Variants in TMEM247 observed in about 807,000 individuals in gnomAD.
TMEM247 encodes transmembrane protein 247, also known as transmembrane protein ENSP00000343375.
TMEM247 carries 23 observed loss-of-function variants against 20.7 expected under a neutral mutation model. That is an observed-to-expected ratio of 1.11 (90% confidence interval 0.80 to 1.57). The LOEUF (loss-of-function observed/expected upper bound fraction) is 1.57, where lower values mean the gene tolerates loss of function less well. Among genes scored for constraint, TMEM247 ranks in the 40% most tolerant of loss-of-function variants. TMEM247 has a pLI of 0.00. For missense variants in TMEM247, 354 were observed against 283.8 expected (o/e 1.25, Z -1.78); for synonymous variants, 106 against 111.9 (o/e 0.95, Z 0.33).
At chr2:46,479,597 G>A (rs1489732577) in exon 1 of TMEM247, 1 of 1,551,738 alleles carries the variant, frequency 6.4e-7, no homozygotes, top group Non-Finnish European at 8.7e-7. Context: ...TGGCAGCAGA[G>A]GACAGGGAGA....
chr2:46,482,283 C>T (rs1686904001), intron 2 of TMEM247, among the ~76,000 whole-genome samples: 1 of 152,188 alleles, frequency 6.6e-6, no homozygotes, highest in Non-Finnish European at 1.5e-5. Flanking sequence ...AAACATTTGC[C>T]TATTGCTTAG....
intron 2 of TMEM247, 52 bp from the exon 3 acceptor site, chr2:46,484,192 G>C (rs1686943071): frequency 1.3e-6 from 2 of 1,492,278 alleles, no homozygotes; most frequent in Non-Finnish European, 1.8e-6. Context: ...ACCTAGATCT[G>C]CCTGGCGCCA....
intron 2 of TMEM247, among the ~76,000 whole-genome samples, chr2:46,483,604 A>G (rs1388307029): frequency 6.6e-6 from 1 of 152,216 alleles, no homozygotes; most frequent in Non-Finnish European, 1.5e-5. Flanking sequence ...CAGAGGGAGA[A>G]GACCCACGTG....
chr2:46,480,530 C>A, exon 2 of TMEM247: 1 of 1,551,744 alleles, frequency 6.4e-7, no homozygotes, highest in Non-Finnish European at 8.7e-7. Flanking sequence ...CTACCAAAGG[C>A]CAGGCTGGCG....
rs1422436274 is a variant in TMEM247, at chr2:46,480,633, ACG to A, written c.349_350del (p.Arg117AlafsTer6). 1.5e-6 allele frequency: 2 copies of A among 1,354,466 alleles called. No homozygotes were observed. The highest frequency in any genetic ancestry group is 5.2e-5 in the Admixed American group (2 of 38,328). The allele number at this position is 1,354,466 out of a possible 1,614,324, so 83.9% of individuals were successfully genotyped here. On this transcript the variant is annotated frameshift_variant, in exon 2 of 3. Transcript: ENST00000434431. LOFTEE classifies it high-confidence loss of function. ...GAAGGTGCGCATGGAGTTCGAGCTCACGCGGCTCAAGTACCTGCATGAGAAGA... is the reference window on the plus strand; with the variant it reads ...GAAGGTGCGCATGGAGTTCGAGCTCACGGCTCAAGTACCTGCATGAGAAGA...
chr2:46,484,179 T>G (rs1209653199), intron 2 of TMEM247, 65 bp from the exon 3 acceptor site: 2 of 1,430,900 alleles, frequency 1.4e-6, no homozygotes, highest in African/African-American at 2.8e-5. Flanking sequence ...AGAGCAGGAC[T>G]GAACCTAGAT....
At chr2:46,482,907 C>T (rs1013604239) in intron 2 of TMEM247, among the ~76,000 whole-genome samples, 1 of 152,208 alleles carries the variant, frequency 6.6e-6, no homozygotes, top group African/African-American at 2.4e-5. Context: ...TGTCCCCATC[C>T]TCCAGCCTTT....
rs113303664 is a variant in TMEM247, at chr2:46,481,765, A to G, written c.477+1001A>G. Among the ~76,000 whole-genome samples the G allele has an allele frequency of 6.3e-3, 962 of 152,334 alleles. 12 individuals are homozygous for G. The highest frequency in any genetic ancestry group is 0.022 in the African/African-American group (906 of 41,580). On this transcript the variant is annotated intron_variant, in intron 2 of 2. Transcript: ENST00000434431. Reference sequence around the variant, plus strand: ...TATCACTTTTCAGTTTTATTGGGATATGATGTATTAGCTGTGCTTCCCAGC... The same window carrying G: ...TATCACTTTTCAGTTTTATTGGGATGTGATGTATTAGCTGTGCTTCCCAGC...
rs192690066 is a variant in TMEM247, at chr2:46,479,626, C to T, written c.41C>T (p.Ala14Val). ...AGGGAGATGATGGAAGCCCGGGGTG[C>T]GGGAGAAAGTTGCCCGACCTTCCCC... Residue 14 changes from alanine to valine, a missense_variant, in exon 1 of 3, where the codon GCG (alanine) becomes GTG (valine). Transcript: ENST00000434431. The T allele has an allele frequency of 1.8e-4, 277 of 1,551,664 alleles. 1 individual carries two copies. The highest frequency in any genetic ancestry group is 1.4e-3 in the East Asian group (56 of 40,910).
intron 2 of TMEM247, among the ~76,000 whole-genome samples, chr2:46,482,242 C>T (rs74943674): frequency 1.7e-3 from 254 of 152,352 alleles, no homozygotes; most frequent in Non-Finnish European, 2.7e-3. Context: ...GAATCTTCCC[C>T]TGCCCCCACA....
At chr2:46,484,178 C>G in intron 2 of TMEM247, 66 bp from the exon 3 acceptor site, 8 of 1,428,658 alleles carry the variant, frequency 5.6e-6, no homozygotes, top group Non-Finnish European at 7.6e-6. Context: ...CAGAGCAGGA[C>G]TGAACCTAGA....
chr2:46,480,536 T>TACCAAA (rs1184048767), exon 2 of TMEM247: 17 of 1,551,606 alleles, frequency 1.1e-5, no homozygotes, highest in Non-Finnish European at 1.5e-5. Flanking sequence ...AAGGCCAGGC[T>TACCAAA]GGCGACGGAC....
At chr2:46,482,205 G>C (rs546733103) in intron 2 of TMEM247, among the ~76,000 whole-genome samples, 2 of 152,288 alleles carry the variant, frequency 1.3e-5, no homozygotes, top group Admixed American at 6.5e-5. Context: ...ACTGAACTCA[G>C]TCAAGCTTAC....
At chr2:46,480,442 A>G (rs1558643152) in exon 2 of TMEM247, 4 of 1,551,270 alleles carry the variant, frequency 2.6e-6, no homozygotes, top group South Asian at 1.2e-5. Flanking sequence ...TCCTATGACT[A>G]CTTGGAAGAG....
intron 2 of TMEM247, among the ~76,000 whole-genome samples, chr2:46,482,076 A>C (rs1686900394): frequency 6.6e-6 from 1 of 152,222 alleles, no homozygotes; most frequent in Non-Finnish European, 1.5e-5. Flanking sequence ...CTGTTTTTTT[A>C]AGAAAGTAAG....
At chr2:46,482,211 C>G (rs912233514) in intron 2 of TMEM247, among the ~76,000 whole-genome samples, 2 of 152,218 alleles carry the variant, frequency 1.3e-5, no homozygotes, top group Admixed American at 6.5e-5. Context: ...CTCAGTCAAG[C>G]TTACTGAACT....
chr2:46,484,378 C>A (rs201705850), exon 3 of TMEM247: 23 of 1,552,364 alleles, frequency 1.5e-5, no homozygotes, highest in Non-Finnish European at 2.0e-5. Context: ...ACTACCTATT[C>A]TGCATTGCAG....
intron 2 of TMEM247, among the ~76,000 whole-genome samples, chr2:46,482,106 T>C (rs1386687289): frequency 6.6e-6 from 1 of 152,216 alleles, no homozygotes; most frequent in East Asian, 1.9e-4. Flanking sequence ...GCATCATTTG[T>C]TCTCAATGAG....
chr2:46,481,911 A>G (rs545703879), intron 2 of TMEM247, among the ~76,000 whole-genome samples: 1 of 152,182 alleles, frequency 6.6e-6, no homozygotes, highest in Non-Finnish European at 1.5e-5. Flanking sequence ...TAGGTTGGCA[A>G]TGTTCCATTA....
Sources: allele counts gnomAD v4.1 joint callset (sites outside exome capture counted in the v4.1 genomes callset), GRCh38; gene constraint gnomAD v4.1.1; transcripts MANE v1.5; gene names NCBI Gene and HGNC (gene_info 2026-07-23, HGNC 2026-07-21).